Variants in ITIH5 observed in about 807,000 individuals in gnomAD.
The protein encoded by ITIH5 is inter-alpha-trypsin inhibitor heavy chain H5.
In ITIH5, 65 loss-of-function variants were observed where a neutral mutation model predicts 77.5. That is an observed-to-expected ratio of 0.84 (90% CI 0.69 to 1.03). The LOEUF (loss-of-function observed/expected upper bound fraction) is 1.03, where lower values mean the gene tolerates loss of function less well. Among genes scored for constraint, ITIH5 ranks in the 50% least tolerant of loss-of-function variants. ITIH5 has a pLI of 0.00. For synonymous variants in ITIH5, 525 were observed against 494.3 expected, an observed-to-expected ratio of 1.06 and a Z score of -0.82; for missense variants, 1,208 against 1,213.1, an observed-to-expected ratio of 1.00 and a Z score of 0.06.
chr10:7,600,869 T>G (rs1392661816), intron 7 of ITIH5, among the ~76,000 whole-genome samples: 1 of 152,158 alleles, frequency 6.6e-6, no homozygotes, highest in African/African-American at 2.4e-5. Flanking sequence ...AGAACTTGCA[T>G]CTATGACCCA....
Position 7,579,891 on chromosome 10 carries a change from G to T in ITIH5, c.1282C>A (p.Arg428=). 2.5e-6 allele frequency: 4 copies of T among 1,614,198 alleles called. No individual in the cohort carries two copies. The highest frequency in any genetic ancestry group is 1.1e-5 in the South Asian group (1 of 91,080). ...KILNNTREAA[R]GQVCIFTIGI... is the part of the protein sequence containing the mutation. Reference sequence around the variant, plus strand: ...ATGGTGAAGATGCAGACTTGGCCTCGGGCGGCCTCTCGGGTGTTGTTGAGG... The same window carrying T: ...ATGGTGAAGATGCAGACTTGGCCTCTGGCGGCCTCTCGGGTGTTGTTGAGG... Residue 428 remains arginine (R), a synonymous_variant, in exon 9 of 14, where the codon CGA becomes AGA. Coordinates refer to ENST00000397146, the MANE Select transcript of ITIH5 (RefSeq NM_030569.7).
chr10:7,616,992 A>T, intron 6 of ITIH5, 121 bp downstream of exon 6: 1 of 632,130 alleles, frequency 1.6e-6, no homozygotes, highest in Non-Finnish European at 2.5e-6. Context: ...ACTTTGGATT[A>T]AAACAAATTT....
Position 7,569,781 on chromosome 10 carries a change from T to C in ITIH5, c.2036A>G (p.Asp679Gly). The C allele has an allele frequency of 6.3e-7, 1 of 1,597,080 alleles. No individual in the cohort carries two copies. The highest frequency in any genetic ancestry group is 1.3e-5 in the African/African-American group (1 of 74,386). ...ATCCACAACAAAGTGGGGATCACCA[T>C]CCACTGCCAGAGCAGAAGAAAACGG... ...PRIKISKTSVDGDPHFVVDFP... is the reference protein window; with the variant it reads ...PRIKISKTSVGGDPHFVVDFP... Residue 679 changes from aspartate to glycine, a missense_variant, in exon 12 of 14, where the codon GAT becomes GGT. Transcript: ENST00000397146.
At position 7,569,773 on chromosome 10, in the gene ITIH5, G is replaced by C. The variant is rs747608120; in HGVS notation, c.2044C>G (p.Pro682Ala). ...AGGGGGAAATCCACAACAAAGTGGG[G>C]ATCACCATCCACTGCCAGAGCAGAA... is the stretch of plus-strand genomic sequence containing the variant. ...KISKTSVDGD[P>A]HFVVDFPLSR... The change falls in exon 12 of 14, where the codon CCC becomes GCC. Residue 682 changes from proline to alanine, a missense_variant. Pro to Ala is a conservative substitution (Grantham distance 27, BLOSUM62 -1). Transcript: ENST00000397146. The C allele has an allele frequency of 1.9e-6, 3 of 1,604,978 alleles. No homozygotes were observed. The highest frequency in any genetic ancestry group is 2.6e-6 in the Non-Finnish European group (3 of 1,176,160).
At chr10:7,641,886 C>T (rs1203464897) in intron 3 of ITIH5, 41 bp downstream of exon 3, 1 of 1,604,072 alleles carries the variant, frequency 6.2e-7, no homozygotes, top group Admixed American at 1.7e-5. Context: ...ACCTGACCAC[C>T]CTAGGCAGAA....
intron 1 of ITIH5, among the ~76,000 whole-genome samples, chr10:7,662,364 AAG>A (rs1227919748): frequency 5.9e-5 from 9 of 152,052 alleles, no homozygotes; most frequent in Admixed American, 2.0e-4. Flanking sequence ...CAAAAAAAAA[AAG>A]AGAGAGAGAC....
At chr10:7,574,473 AG>A (rs1832365640) in intron 10 of ITIH5, among the ~76,000 whole-genome samples, 2 of 152,152 alleles carry the variant, frequency 1.3e-5, no homozygotes, top group Non-Finnish European at 2.9e-5. Context: ...CTTTAAGGAA[AG>A]GAAGAATCTT....
At chr10:7,623,820 A>AAG (rs1382268585) in intron 5 of ITIH5, among the ~76,000 whole-genome samples, 1 of 151,582 alleles carries the variant, frequency 6.6e-6, no homozygotes, top group East Asian at 1.9e-4. Flanking sequence ...AAAAAAAAAA[A>AAG]AAAATACCTT....
At position 7,580,084 on chromosome 10, in the gene ITIH5, A is replaced by G. The variant is rs12256183; in HGVS notation, c.1109-20T>C. The G allele has an allele frequency of 0.9, 1,412,129 of 1,570,448 alleles. 636,391 individuals carry two copies. Among genetic ancestry groups the G allele is most frequent in the East Asian group, 1 (42,683 of 42,710 alleles). On this transcript the variant is annotated intron_variant, in intron 8 of 13. Transcript: ENST00000397146. ...CTGTGCCTGCAGGACACCAACACGG[A>G]ACAGCTCAAGCCTCTGCACTCACCT...
intron 1 of ITIH5, 112 bp downstream of exon 1, chr10:7,666,691 G>T: frequency 1.3e-6 from 1 of 767,266 alleles, no homozygotes. Context: ...TGGGCCTCTG[G>T]TGGGGGCCTG....
rs538029895 is a variant in ITIH5, at chr10:7,582,845, G to A, written c.1109-2781C>T. Among the ~76,000 whole-genome samples, 60 of 152,250 alleles carry A rather than the reference G, an allele frequency of 3.9e-4. 1 individual carries two copies. The highest frequency in any genetic ancestry group is 2.1e-3 in the Admixed American group (32 of 15,284). ...GGATGGTTTCCAGAGGCTGGGCAGGGTAGTGGGGGGTGGGGCAGAAGTAGG... is the reference window on the plus strand; with the variant it reads ...GGATGGTTTCCAGAGGCTGGGCAGGATAGTGGGGGGTGGGGCAGAAGTAGG... On this transcript the variant is annotated intron_variant, in intron 8 of 13. Transcript: ENST00000397146.
chr10:7,646,268 A>C (rs1038716866), intron 2 of ITIH5, among the ~76,000 whole-genome samples: 5 of 152,226 alleles, frequency 3.3e-5, no homozygotes, highest in African/African-American at 1.2e-4. Context: ...TTTAAAATTT[A>C]AACTGGTGTT....
At chr10:7,636,879 C>G (rs953966208) in intron 5 of ITIH5, among the ~76,000 whole-genome samples, 2 of 152,006 alleles carry the variant, frequency 1.3e-5, no homozygotes, top group African/African-American at 4.8e-5. Flanking sequence ...TGGTGAAACC[C>G]CGTCTCGACT....
At chr10:7,624,652 T>C (rs895044367) in intron 5 of ITIH5, among the ~76,000 whole-genome samples, 1 of 147,266 alleles carries the variant, frequency 6.8e-6, no homozygotes, top group Non-Finnish European at 1.5e-5. Flanking sequence ...ACCCTGTCTC[T>C]ACTAAAAATA....
intron 7 of ITIH5, among the ~76,000 whole-genome samples, chr10:7,599,492 T>C (rs867658393): frequency 3.9e-5 from 6 of 152,202 alleles, no homozygotes; most frequent in Admixed American, 6.5e-5. Flanking sequence ...CTGAAGTTTA[T>C]ATTGTCCTAC....
At chr10:7,663,479 G>C (rs975197026) in intron 1 of ITIH5, among the ~76,000 whole-genome samples, 5 of 152,190 alleles carry the variant, frequency 3.3e-5, no homozygotes, top group Admixed American at 6.5e-5. Flanking sequence ...CACCTCACTT[G>C]TGCAAGCCCC....
chr10:7,617,352 G>T (rs1833390367), intron 5 of ITIH5, 70 bp from the exon 6 acceptor site: 1 of 1,008,702 alleles, frequency 9.9e-7, no homozygotes, highest in Non-Finnish European at 1.4e-6. Context: ...AAAACTGTTT[G>T]GCAGACACAG....
At position 7,637,136 on chromosome 10, in the gene ITIH5, A is replaced by C. The variant is rs1588418424; in HGVS notation, c.652+92T>G. 12 of 1,443,436 alleles carry C rather than the reference A, an allele frequency of 8.3e-6. No individual in the cohort carries two copies. The East Asian group carries it at 2.7e-4, about 33-fold the overall frequency. 89.4% of individuals were successfully genotyped at this position (1,443,436 alleles called of 1,614,324 possible). A position where few individuals can be genotyped will look rare whatever the true frequency, so the allele number is the denominator to read the frequency against. ...AAAATGCAAAGGCTTTGCTGAAGGGAAGGGTGCCATCTCTTGCAGATTTCT... is the reference window on the plus strand; with the variant it reads ...AAAATGCAAAGGCTTTGCTGAAGGGCAGGGTGCCATCTCTTGCAGATTTCT... On this transcript the variant is annotated intron_variant, in intron 5 of 13. Transcript: ENST00000397146.
chr10:7,661,763 T>C (rs1053478616), intron 1 of ITIH5, among the ~76,000 whole-genome samples: 4 of 152,128 alleles, frequency 2.6e-5, no homozygotes, highest in Non-Finnish European at 5.9e-5. Context: ...TGCAGTGGCA[T>C]GATTACAGCT....
Sources: gnomAD v4.1 joint callset for allele counts (sites outside exome capture counted in the v4.1 genomes callset) on GRCh38, gnomAD v4.1.1 for gene constraint, MANE v1.5 for transcripts, NCBI Gene and HGNC (gene_info 2026-07-23, HGNC 2026-07-21) for gene names.